Variants in SDK1 observed in about 807,000 individuals in gnomAD.
The protein encoded by SDK1 is protein sidekick-1.
Under a neutral mutation model 245.5 loss-of-function variants are expected in SDK1, and 157 were observed. The ratio of observed to expected loss-of-function variants is 0.64; its 90% CI spans 0.56 to 0.73. SDK1 has a LOEUF of 0.73. Ranked by LOEUF, SDK1 falls within the 30% of genes least tolerant of loss-of-function variation. The probability of loss-of-function intolerance (pLI) is 0.00; values close to 1 mark genes in which losing one functional copy is unlikely to be tolerated. For synonymous variants in SDK1, 1,647 were observed against 1,278.5 expected, an observed-to-expected ratio of 1.29 and a Z score of -6.15; for missense variants, 3,583 against 3,002.3, an observed-to-expected ratio of 1.19 and a Z score of -4.52.
rs991538702 is a variant in SDK1 at position 4,046,735 on chromosome 7, A to G, written c.2603-2613A>G. On this transcript the variant is annotated intron_variant, in intron 17 of 44. Coordinates refer to ENST00000404826, the MANE Select transcript of SDK1 (RefSeq NM_152744.4). Reference sequence around the variant, plus strand: ...TAAAGGTTATCCAAATTTTTTTCAGACTTGCTTTGGCTATTCTAGTTACCT... The same window carrying G: ...TAAAGGTTATCCAAATTTTTTTCAGGCTTGCTTTGGCTATTCTAGTTACCT... Among the ~76,000 whole-genome samples the G allele has an allele frequency of 2.2e-4, 33 of 152,064 alleles. 1 individual carries two copies. Among genetic ancestry groups the G allele is most frequent in the Admixed American group, 1.6e-3 (24 of 15,276 alleles).
chr7:3,358,016 C>T (rs926563154), intron 1 of SDK1, among the ~76,000 whole-genome samples: 3 of 151,896 alleles, frequency 2.0e-5, no homozygotes, highest in Admixed American at 6.6e-5. Context: ...CAGTCATTTT[C>T]TTTTTTTCTT....
chr7:4,008,099 CTG>C (rs1262912382), intron 14 of SDK1, among the ~76,000 whole-genome samples: 2 of 152,174 alleles, frequency 1.3e-5, no homozygotes, highest in African/African-American at 4.8e-5. Context: ...CTTTCTGTCT[CTG>C]TGAATTTGTT....
intron 4 of SDK1, among the ~76,000 whole-genome samples, chr7:3,740,800 C>T (rs1033200392): frequency 6.6e-6 from 1 of 152,118 alleles, no homozygotes; most frequent in Non-Finnish European, 1.5e-5. Flanking sequence ...TTTAGAGTTC[C>T]AAAAATGTTG....
chr7:3,672,125 G>A (rs1783718534), intron 4 of SDK1, among the ~76,000 whole-genome samples: 1 of 152,092 alleles, frequency 6.6e-6, no homozygotes, highest in Non-Finnish European at 1.5e-5. Context: ...CTGAGGAGTG[G>A]CGGGTCATGG....
At chr7:3,952,491 G>A (rs1009485324) in intron 7 of SDK1, among the ~76,000 whole-genome samples, 2 of 152,090 alleles carry the variant, frequency 1.3e-5, no homozygotes, top group Non-Finnish European at 1.5e-5. Flanking sequence ...GCGGAGGCAC[G>A]AGAATCACTT....
chr7:3,741,825 C>CA (rs1410645190), intron 4 of SDK1, among the ~76,000 whole-genome samples: 1 of 152,056 alleles, frequency 6.6e-6, no homozygotes, highest in Non-Finnish European at 1.5e-5. Context: ...CACACACACA[C>CA]ACATAGATGC....
intron 3 of SDK1, among the ~76,000 whole-genome samples, chr7:3,640,974 G>C (rs1457070308): frequency 6.6e-6 from 1 of 151,910 alleles, no homozygotes; most frequent in African/African-American, 2.4e-5. Flanking sequence ...GAGCCACTGT[G>C]CTCTGCGTTT....
chr7:3,334,326 C>T (rs4343998), intron 1 of SDK1, among the ~76,000 whole-genome samples: 5 of 152,070 alleles, frequency 3.3e-5, no homozygotes, highest in South Asian at 2.1e-4. Context: ...TCTCATTCTA[C>T]GCTGGCCTCT....
chr7:3,455,881 C>G (rs1780650135), intron 1 of SDK1, among the ~76,000 whole-genome samples: 1 of 152,228 alleles, frequency 6.6e-6, no homozygotes, highest in Non-Finnish European at 1.5e-5. Flanking sequence ...AGTTGACATT[C>G]TATAAGGTGA....
intron 1 of SDK1, among the ~76,000 whole-genome samples, chr7:3,499,364 G>T (rs1782123879): frequency 6.6e-6 from 1 of 151,792 alleles, no homozygotes; most frequent in Non-Finnish European, 1.5e-5. Context: ...TTTTTTGTGT[G>T]TTTTTTTTAA....
chr7:3,603,061 G>A (rs541517958), intron 1 of SDK1, among the ~76,000 whole-genome samples: 19 of 151,970 alleles, frequency 1.3e-4, no homozygotes, highest in African/African-American at 3.4e-4. Context: ...TGGTACCAGT[G>A]CCATGCTGTT....
Position 3,768,182 on chromosome 7 carries a change from A to G in SDK1, c.714-53268A>G, listed in dbSNP as rs578052970. Among the ~76,000 whole-genome samples, 66 of 152,292 alleles carry G rather than the reference A, an allele frequency of 4.3e-4. 2 individuals carry two copies. In the South Asian group the frequency reaches 0.013, roughly 31 times the overall value. ...AACCAGCTTTCTAATTGCATTTACTATTCTCTTTAAAGCAGCGTTGAATAT... is the reference window on the plus strand; with the variant it reads ...AACCAGCTTTCTAATTGCATTTACTGTTCTCTTTAAAGCAGCGTTGAATAT... On this transcript the variant is annotated intron_variant, in intron 4 of 44. Coordinates refer to ENST00000404826, the MANE Select transcript of SDK1 (RefSeq NM_152744.4).
chr7:3,961,793 G>T (rs998163048), intron 8 of SDK1, among the ~76,000 whole-genome samples: 3 of 152,238 alleles, frequency 2.0e-5, no homozygotes, highest in East Asian at 1.9e-4. Flanking sequence ...CACTCACCAG[G>T]TGCCGGGCAT....
At chr7:3,427,994 G>A (rs1779723970) in intron 1 of SDK1, among the ~76,000 whole-genome samples, 1 of 152,182 alleles carries the variant, frequency 6.6e-6, no homozygotes. Flanking sequence ...GAGTTTACCA[G>A]TGTTTCAGTG....
chr7:3,736,430 T>C (rs959181920), intron 4 of SDK1, among the ~76,000 whole-genome samples: 1 of 152,032 alleles, frequency 6.6e-6, no homozygotes, highest in Non-Finnish European at 1.5e-5. Context: ...GTAGCTGCCA[T>C]GCCCAGCTAA....
At chr7:4,211,974 C>T (rs1351570067) in intron 38 of SDK1, among the ~76,000 whole-genome samples, 1 of 152,202 alleles carries the variant, frequency 6.6e-6, no homozygotes, top group Non-Finnish European at 1.5e-5. Flanking sequence ...ACCAATGTGT[C>T]CACCAAAGAT....
intron 4 of SDK1, among the ~76,000 whole-genome samples, chr7:3,818,819 C>T (rs563072660): frequency 5.3e-5 from 8 of 152,284 alleles, no homozygotes; most frequent in Admixed American, 2.6e-4. Context: ...AAGGTCATTT[C>T]TATCATGGCC....
chr7:3,487,499 T>C (rs1230704632), intron 1 of SDK1, among the ~76,000 whole-genome samples: 1 of 152,028 alleles, frequency 6.6e-6, no homozygotes, highest in African/African-American at 2.4e-5. Context: ...CCCAGCACTT[T>C]AGGAGGCCAA....
rs142119220 is a variant in SDK1, at chr7:4,145,906, C to T, written c.4413C>T (p.Thr1471=). ...CACTGGAGGCCACCGTCATCACCAC[C>T]GAGAAGAGAGGTAAGACCTTGGGGG... is the stretch of plus-strand genomic sequence containing the variant. ...GEPLEATVIT[T]EKRERPAPPR... Residue 1471 remains threonine, a synonymous_variant, in exon 29 of 45, where the codon ACC becomes ACT. Coordinates refer to ENST00000404826, the MANE Select transcript of SDK1 (RefSeq NM_152744.4). The T allele has an allele frequency of 3.2e-4, 516 of 1,606,576 alleles. No individual in the cohort carries two copies. Among genetic ancestry groups the T allele is most frequent in the Non-Finnish European group, 4.0e-4 (472 of 1,176,812 alleles).
Sources: allele counts gnomAD v4.1 joint callset (sites outside exome capture counted in the v4.1 genomes callset), GRCh38; gene constraint gnomAD v4.1.1; transcripts MANE v1.5; gene names NCBI Gene and HGNC (gene_info 2026-07-23, HGNC 2026-07-21).